CNTNAP2: variants seen among roughly 807,000 people sequenced by gnomAD.
The protein encoded by CNTNAP2 is contactin-associated protein-like 2.
CNTNAP2 carries 98 observed loss-of-function variants against 155.2 expected under a neutral mutation model. The ratio of observed to expected loss-of-function variants is 0.63; its 90% CI spans 0.54 to 0.75. The LOEUF (loss-of-function observed/expected upper bound fraction) is 0.75. Among genes scored for constraint, CNTNAP2 ranks in the 30% least tolerant of loss-of-function variants. The pLI is 0.00. For missense variants in CNTNAP2, 1,727 were observed against 1,688.1 expected (o/e 1.02, Z -0.40); for synonymous variants, 651 against 631.2 (o/e 1.03, Z -0.47).
At chr7:148,145,918 G>A (rs952290656) in intron 16 of CNTNAP2, among the ~76,000 whole-genome samples, 18 of 152,270 alleles carry the variant, frequency 1.2e-4, no homozygotes, top group South Asian at 8.3e-4. Context: ...AAGTTCTCTC[G>A]CTAACGACAT....
At chr7:146,868,897 T>G (rs570700034) in intron 3 of CNTNAP2, among the ~76,000 whole-genome samples, 3 of 152,256 alleles carry the variant, frequency 2.0e-5, no homozygotes, top group Non-Finnish European at 4.4e-5. Context: ...GTTGTTTATC[T>G]GCTGGAAGTG....
intron 1 of CNTNAP2, among the ~76,000 whole-genome samples, chr7:146,218,391 C>G (rs1799150656): frequency 6.6e-6 from 1 of 152,056 alleles, no homozygotes; most frequent in South Asian, 2.1e-4. Flanking sequence ...CGCCCGTAGT[C>G]CCAGCTACTC....
chr7:146,571,798 C>G (rs1268032671), intron 1 of CNTNAP2, among the ~76,000 whole-genome samples: 1 of 151,682 alleles, frequency 6.6e-6, no homozygotes, highest in Non-Finnish European at 1.5e-5. Context: ...GTGGCATGAC[C>G]TCGGCTCACT....
chr7:146,263,279 A>G (rs10250160), intron 1 of CNTNAP2, among the ~76,000 whole-genome samples: 25,080 of 144,846 alleles, frequency 0.17, 5,886 homozygotes, highest in African/African-American at 0.58. Flanking sequence ...GGGAGGGAGG[A>G]AGGAAGGAAG....
In CNTNAP2 at chr7:147,627,219, G is replaced by A. The variant is rs571722841; in HGVS notation, c.1898-11887G>A. Among the ~76,000 whole-genome samples, 26 of 152,234 alleles carry A rather than the reference G, an allele frequency of 1.7e-4. No homozygotes were observed. In the East Asian group the frequency reaches 4.5e-3, roughly 26 times the overall value. On this transcript the variant is annotated intron_variant, in intron 12 of 23. Transcript: ENST00000361727. ...CTGAAATAATCTACGCAAACGAGAA[G>A]GAACCAGAAAAGTAATTCTGGTAAT...
intron 1 of CNTNAP2, among the ~76,000 whole-genome samples, chr7:146,638,298 C>A (rs935790032): frequency 5.3e-5 from 8 of 151,948 alleles, no homozygotes; most frequent in African/African-American, 1.9e-4. Context: ...GAGGCTCTGA[C>A]AAATGACCTC....
chr7:147,928,414 A>G (rs994050996), intron 14 of CNTNAP2, among the ~76,000 whole-genome samples: 3 of 152,200 alleles, frequency 2.0e-5, no homozygotes, highest in Admixed American at 6.5e-5. Flanking sequence ...ATATGAAATT[A>G]TGTGTAAAAT....
intron 1 of CNTNAP2, among the ~76,000 whole-genome samples, chr7:146,591,117 A>G (rs1798776263): frequency 1.3e-5 from 2 of 152,198 alleles, no homozygotes; most frequent in South Asian, 2.1e-4. Context: ...GCTTTGTTTC[A>G]TGCACAAATT....
intron 9 of CNTNAP2, among the ~76,000 whole-genome samples, chr7:147,338,883 G>T (rs1795708666): frequency 6.6e-6 from 1 of 151,754 alleles, no homozygotes; most frequent in South Asian, 2.1e-4. Context: ...GAGGGCTGGG[G>T]GTAGGGGGAG....
intron 1 of CNTNAP2, among the ~76,000 whole-genome samples, chr7:146,681,116 G>T (rs1041707757): frequency 4.3e-4 from 65 of 151,848 alleles, no homozygotes; most frequent in African/African-American, 1.5e-3. Context: ...AAGTGCGGAG[G>T]ATCAGTGTTG....
intron 15 of CNTNAP2, among the ~76,000 whole-genome samples, chr7:147,979,851 G>A (rs983480473): frequency 1.9e-4 from 29 of 151,954 alleles, no homozygotes; most frequent in African/African-American, 4.1e-4. Context: ...TCGAACTCCT[G>A]ACCCCGGGTG....
chr7:146,230,970 G>A (rs1419288217), intron 1 of CNTNAP2, among the ~76,000 whole-genome samples: 2 of 151,242 alleles, frequency 1.3e-5, no homozygotes, highest in African/African-American at 2.4e-5. Flanking sequence ...AGCTGAGATC[G>A]TGCCACTGCA....
At chr7:146,463,662 T>C (rs914639140) in intron 1 of CNTNAP2, among the ~76,000 whole-genome samples, 5 of 152,034 alleles carry the variant, frequency 3.3e-5, no homozygotes, top group Non-Finnish European at 7.4e-5. Flanking sequence ...CACATACATA[T>C]GTGCATGTAT....
intron 20 of CNTNAP2, among the ~76,000 whole-genome samples, chr7:148,243,559 G>A (rs1796197497): frequency 6.6e-6 from 1 of 152,144 alleles, no homozygotes; most frequent in Non-Finnish European, 1.5e-5. Context: ...CGTGGATGGA[G>A]GCAGGCAAGA....
At chr7:147,590,758 C>A (rs928710827) in intron 12 of CNTNAP2, among the ~76,000 whole-genome samples, 6 of 152,108 alleles carry the variant, frequency 3.9e-5, no homozygotes, top group Non-Finnish European at 5.9e-5. Flanking sequence ...AAGGCAGATT[C>A]AGAGAAGTAG....
chr7:147,599,971 T>C (rs1051118127), intron 12 of CNTNAP2, among the ~76,000 whole-genome samples: 1 of 152,234 alleles, frequency 6.6e-6, no homozygotes, highest in African/African-American at 2.4e-5. Flanking sequence ...TTTCTTAAGC[T>C]TTTAATATTT....
intron 13 of CNTNAP2, among the ~76,000 whole-genome samples, chr7:147,667,922 G>T (rs185885100): frequency 6.6e-6 from 1 of 152,280 alleles, no homozygotes; most frequent in East Asian, 1.9e-4. Context: ...TCACTAAGGA[G>T]TGTATAAATG....
At chr7:147,716,185 C>T (rs1218643743) in intron 13 of CNTNAP2, among the ~76,000 whole-genome samples, 1 of 152,064 alleles carries the variant, frequency 6.6e-6, no homozygotes, top group Non-Finnish European at 1.5e-5. Flanking sequence ...TTTGTAAATG[C>T]CATGTTGAAG....
intron 1 of CNTNAP2, among the ~76,000 whole-genome samples, chr7:146,331,167 G>A (rs892723544): frequency 2.6e-5 from 4 of 151,878 alleles, no homozygotes; most frequent in Admixed American, 1.3e-4. Flanking sequence ...AGCCGGGCGT[G>A]GTAGCGAGCG....
Sources: allele counts gnomAD v4.1 joint callset (sites outside exome capture counted in the v4.1 genomes callset), GRCh38; gene constraint gnomAD v4.1.1; transcripts MANE v1.5; gene names NCBI Gene and HGNC (gene_info 2026-07-23, HGNC 2026-07-21).